Variants in FAM149B1 observed in about 807,000 individuals in gnomAD.
FAM149B1 encodes the protein primary cilium assembly protein FAM149B1.
FAM149B1 carries 56 observed loss-of-function variants against 75.3 expected under a neutral mutation model. That is an observed-to-expected ratio of 0.74 (90% CI 0.60 to 0.93). The LOEUF (loss-of-function observed/expected upper bound fraction) is 0.93, where lower values mean the gene tolerates loss of function less well. FAM149B1 is among the 40% of genes least tolerant of loss of function. The pLI is 0.00. For missense variants in FAM149B1, 639 were observed against 708.4 expected (o/e 0.90, Z 1.11); for synonymous variants, 259 against 256.1 (o/e 1.01, Z -0.11).
chr10:73,234,583 G>A (rs2043780285), intron 10 of FAM149B1: 1 of 477,510 alleles, frequency 2.1e-6, no homozygotes, highest in Non-Finnish European at 3.8e-6. Context: ...GGAGAGAAAA[G>A]GCCAGCTTCT....
At position 73,168,172 on chromosome 10, in the gene FAM149B1, C is replaced by A. The variant is rs1441251991; in HGVS notation, c.-168C>A. 7.4e-6 allele frequency: 5 copies of A among 679,058 alleles called. No homozygotes were observed. The highest frequency in any genetic ancestry group is 2.0e-5 in the South Asian group (1 of 50,142). The allele number at this position is 679,058 out of a possible 1,614,324, so 42.1% of individuals were successfully genotyped here. ...GTCGGAGGACTGGAGAGGTGGGGACCCTGGGGAGGTGGCTGCTCGGAGTCT... is the reference window on the plus strand; with the variant it reads ...GTCGGAGGACTGGAGAGGTGGGGACACTGGGGAGGTGGCTGCTCGGAGTCT... On this transcript the variant is annotated 5_prime_UTR_variant, in exon 1 of 14. Transcript: ENST00000242505.
intron 7 of FAM149B1, among the ~76,000 whole-genome samples, chr10:73,217,101 G>A (rs1040221386): frequency 8.5e-5 from 13 of 152,172 alleles, no homozygotes; most frequent in Non-Finnish European, 1.5e-4. Flanking sequence ...TCAGGATAAT[G>A]ATTTTGAGAT....
At chr10:73,168,512 C>T in intron 1 of FAM149B1, 126 bp downstream of exon 1, 2 of 1,150,654 alleles carry the variant, frequency 1.7e-6, no homozygotes, top group Non-Finnish European at 2.4e-6. Flanking sequence ...GAATTCTCTC[C>T]TCTCAGCCCT....
intron 5 of FAM149B1, chr10:73,201,343 CAG>C (rs2042932943): frequency 6.1e-6 from 1 of 162,632 alleles, no homozygotes; most frequent in East Asian, 1.7e-4. Context: ...ATTCTCATAA[CAG>C]ATCAGAAATA....
At chr10:73,176,570 A>C (rs1324634633) in intron 2 of FAM149B1, among the ~76,000 whole-genome samples, 1 of 152,170 alleles carries the variant, frequency 6.6e-6, no homozygotes, top group East Asian at 1.9e-4. Flanking sequence ...TCTGAGATGC[A>C]ATGTGTGATT....
intron 2 of FAM149B1, among the ~76,000 whole-genome samples, chr10:73,175,545 C>T (rs1843919102): frequency 6.6e-6 from 1 of 151,352 alleles, no homozygotes; most frequent in Non-Finnish European, 1.5e-5. Context: ...TGGTGGGGGC[C>T]CGTAGTCCCA....
intron 12 of FAM149B1, among the ~76,000 whole-genome samples, chr10:73,237,191 A>T (rs1167401144): frequency 6.6e-6 from 1 of 152,174 alleles, no homozygotes. Flanking sequence ...TTCCAGGTGG[A>T]CATAAATTTT....
chr10:73,235,359 G>GA, intron 12 of FAM149B1, 41 bp downstream of exon 12: 1 of 1,549,020 alleles, frequency 6.5e-7, no homozygotes, highest in Non-Finnish European at 8.7e-7. Flanking sequence ...GATAGTTGGG[G>GA]AAAGAAAAGG....
rs2133405140 is a variant in FAM149B1, at chr10:73,232,951, C to T, written c.1140C>T (p.Asp380=). The T allele has an allele frequency of 6.5e-7, 1 of 1,547,844 alleles. No individual in the cohort carries two copies. The highest frequency in any genetic ancestry group is 2.4e-5 in the East Asian group (1 of 40,918). Residue 380 remains aspartate (D), a synonymous_variant, in exon 10 of 14, where the codon GAC becomes GAT. Transcript: ENST00000242505. ...ATTTGGCTACTAGAGATCTTGATGA[C>T]AAGCTACTTATGAGGCCTGGGTCCA... ...SLMDKLLDLD[D]KLLMRPGSST... is the part of the protein sequence containing the mutation.
Position 73,242,377 on chromosome 10 carries a change from A to G in FAM149B1, c.*1358A>G, listed in dbSNP as rs560094114. ...CACAAACCATTACCATGAGTTCACT[A>G]TAACAACTGGATCAATATGGCTTGC... On this transcript the variant is annotated 3_prime_UTR_variant, in exon 14 of 14. Transcript: ENST00000242505. 39 of 152,264 alleles carry G rather than the reference A, an allele frequency of 2.6e-4. No homozygotes were observed. Among genetic ancestry groups the G allele is most frequent in the Non-Finnish European group, 4.3e-4 (29 of 68,026 alleles). 9.4% of individuals were successfully genotyped at this position (152,264 alleles called of 1,614,324 possible). A position where few individuals can be genotyped will look rare whatever the true frequency, so the allele number is the denominator to read the frequency against.
rs767038212 is a variant in FAM149B1, at chr10:73,243,366, T to G, written c.*2347T>G. ...GCACCTTGCCTACGATGGCATCAAT[T>G]TACACCTAAGGACCTTTGAAGAGAA... On this transcript the variant is annotated 3_prime_UTR_variant, in exon 14 of 14. Coordinates refer to ENST00000242505, the MANE Select transcript of FAM149B1 (RefSeq NM_173348.2). The G allele has an allele frequency of 6.2e-7, 1 of 1,610,334 alleles. No individual in the cohort carries two copies. The highest frequency in any genetic ancestry group is 8.5e-7 in the Non-Finnish European group (1 of 1,179,398).
chr10:73,194,845 G>A (rs919784814), intron 5 of FAM149B1, among the ~76,000 whole-genome samples: 6 of 151,500 alleles, frequency 4.0e-5, no homozygotes, highest in Non-Finnish European at 7.4e-5. Flanking sequence ...CACCATGCCC[G>A]GCTAATTTTT....
At position 73,243,826 on chromosome 10, in the gene FAM149B1, C is replaced by T; in HGVS notation, c.*2807C>T. ...AATCAGATCATTAAAGATGTGGCAA[C>T]AAACTGCCAAGTTTACCTGAATGGC... On this transcript the variant is annotated 3_prime_UTR_variant, in exon 14 of 14. Transcript: ENST00000242505. The T allele has an allele frequency of 6.2e-7, 1 of 1,603,930 alleles. No individual in the cohort carries two copies. Among genetic ancestry groups the T allele is most frequent in the South Asian group, 1.1e-5 (1 of 89,178 alleles).
intron 3 of FAM149B1, among the ~76,000 whole-genome samples, chr10:73,182,211 C>CTTT (rs1193905747): frequency 1.0e-3 from 114 of 109,350 alleles, no homozygotes; most frequent in East Asian, 2.0e-3. Context: ...CAGTCTGTGT[C>CTTT]TTTTTTTTTT....
At chr10:73,239,801 T>C (rs1268201443) in intron 13 of FAM149B1, among the ~76,000 whole-genome samples, 1 of 152,228 alleles carries the variant, frequency 6.6e-6, no homozygotes, top group Non-Finnish European at 1.5e-5. Context: ...GTTAATCTGT[T>C]AGGCCAAGGT....
chr10:73,214,238 T>C (rs2043248411), intron 7 of FAM149B1, among the ~76,000 whole-genome samples: 1 of 152,248 alleles, frequency 6.6e-6, no homozygotes, highest in African/African-American at 2.4e-5. Flanking sequence ...GTTTTCCAGA[T>C]ATAAGATCAT....
intron 2 of FAM149B1, 121 bp downstream of exon 2, chr10:73,174,912 T>G (rs552526448): frequency 1.5e-6 from 1 of 656,886 alleles, no homozygotes; most frequent in East Asian, 2.7e-5. Flanking sequence ...ATTTTTGTCA[T>G]GTTCTCAGTA....
chr10:73,190,875 T>C (rs896663482), intron 3 of FAM149B1, among the ~76,000 whole-genome samples: 1 of 151,988 alleles, frequency 6.6e-6, no homozygotes, highest in Non-Finnish European at 1.5e-5. Context: ...CAGACCACCA[T>C]GCCTGGCTAA....
Position 73,243,550 on chromosome 10 carries a change from C to A in FAM149B1, c.*2531C>A, listed in dbSNP as rs373612378. 5 of 1,613,144 alleles carry A rather than the reference C, an allele frequency of 3.1e-6. No homozygotes were observed. In the African/African-American group the frequency reaches 6.7e-5, roughly 22 times the overall value. On this transcript the variant is annotated 3_prime_UTR_variant, in exon 14 of 14. Transcript: ENST00000242505. ...TGAGAAGTTAAAACACAAGCTTTCA[C>A]AACATTATCCATAGACAGAAAGTAC...
Sources: allele counts gnomAD v4.1 joint callset (sites outside exome capture counted in the v4.1 genomes callset), GRCh38; gene constraint gnomAD v4.1.1; transcripts MANE v1.5; gene names NCBI Gene and HGNC (gene_info 2026-07-23, HGNC 2026-07-21).